Variants in MAPKAP1 observed in about 807,000 individuals in gnomAD.
MAPKAP1 encodes the protein target of rapamycin complex 2 subunit MAPKAP1.
Under a neutral mutation model 65.7 loss-of-function variants are expected in MAPKAP1, and 20 were observed. The ratio of observed to expected loss-of-function variants is 0.30; its 90% CI spans 0.21 to 0.44. The LOEUF is 0.44. MAPKAP1 is among the 20% of genes least tolerant of loss of function. The pLI, the probability that MAPKAP1 is intolerant of heterozygous loss-of-function variation, is 1.00. For synonymous variants in MAPKAP1, 222 were observed against 244.3 expected, an observed-to-expected ratio of 0.91 and a Z score of 0.85; for missense variants, 423 against 648.0, an observed-to-expected ratio of 0.65 and a Z score of 3.77.
rs538630546 is a variant in MAPKAP1 at position 125,580,129 on chromosome 9, G to A, written c.671+5426C>T. Among the ~76,000 whole-genome samples the A allele has an allele frequency of 1.9e-4, 29 of 152,254 alleles. 1 individual carries two copies. The highest frequency in any genetic ancestry group is 5.9e-4 in the Admixed American group (9 of 15,292). On this transcript the variant is annotated intron_variant, in intron 5 of 11. Coordinates refer to ENST00000265960, the MANE Select transcript of MAPKAP1 (RefSeq NM_001006617.3). Reference sequence around the variant, plus strand: ...CAACCATTGTGGAAGACAGTGTGGCGATTTCTCAAGGATCTAGAACTAGAA... The same window carrying A: ...CAACCATTGTGGAAGACAGTGTGGCAATTTCTCAAGGATCTAGAACTAGAA...
At chr9:125,656,980 G>C (rs1371349267) in intron 4 of MAPKAP1, among the ~76,000 whole-genome samples, 1 of 152,066 alleles carries the variant, frequency 6.6e-6, no homozygotes, top group Non-Finnish European at 1.5e-5. Flanking sequence ...AAAAAACAAA[G>C]TTAGCCTCCA....
intron 5 of MAPKAP1, among the ~76,000 whole-genome samples, chr9:125,570,388 A>T (rs117153152): frequency 1.3e-5 from 2 of 150,380 alleles, no homozygotes; most frequent in South Asian, 4.2e-4. Flanking sequence ...TTCTTACTGT[A>T]TAACTTGCCT....
In MAPKAP1 at chr9:125,536,585, T is replaced by TTCATTCATTCATTC. The variant is rs1554818636; in HGVS notation, c.958+6473_958+6474insGAATGAATGAATGA. On this transcript the variant is annotated intron_variant, in intron 7 of 11. Coordinates refer to ENST00000265960, the MANE Select transcript of MAPKAP1 (RefSeq NM_001006617.3). ...CACTTAAACAGTTCTATTTTCCATTTATTCATTCATTCATTCATTCAGTGT... is the reference window on the plus strand; with the variant it reads ...CACTTAAACAGTTCTATTTTCCATTTTCATTCATTCATTCATTCATTCATTCATTCATTCAGTGT... 5.0e-3 allele frequency among the ~76,000 whole-genome samples: 756 copies of TTCATTCATTCATTC among 151,730 alleles called. 2 individuals carry two copies. Among genetic ancestry groups the TTCATTCATTCATTC allele is most frequent in the Middle Eastern group, 0.014 (4 of 294 alleles).
intron 5 of MAPKAP1, among the ~76,000 whole-genome samples, chr9:125,579,535 C>T (rs889148057): frequency 6.6e-6 from 1 of 152,176 alleles, no homozygotes; most frequent in African/African-American, 2.4e-5. Context: ...TCAGGTGATC[C>T]ACCCACCTCG....
At chr9:125,683,528 G>A (rs959872803) in intron 1 of MAPKAP1, among the ~76,000 whole-genome samples, 2 of 152,128 alleles carry the variant, frequency 1.3e-5, no homozygotes, top group African/African-American at 2.4e-5. Context: ...AAATGGTCCT[G>A]GCCAACCACT....
At chr9:125,701,901 C>T (rs192075138) in intron 1 of MAPKAP1, among the ~76,000 whole-genome samples, 130 of 152,288 alleles carry the variant, frequency 8.5e-4, no homozygotes, top group Non-Finnish European at 1.5e-3. Flanking sequence ...AGCTACAATG[C>T]CCCCTCACAC....
In MAPKAP1 at chr9:125,585,746, C is replaced by T. The variant is rs755325162; in HGVS notation, c.499-19G>A. The T allele has an allele frequency of 2.7e-5, 44 of 1,611,196 alleles. 1 individual carries two copies. The highest frequency in any genetic ancestry group is 9.3e-5 in the African/African-American group (7 of 74,876). On this transcript the variant is annotated intron_variant, in intron 4 of 11. Transcript: ENST00000265960. ...CATGACCCTGTGGACAGAACAAACACGTGAGAGCAAAGCACACTGCCAGTT... is the reference window on the plus strand; with the variant it reads ...CATGACCCTGTGGACAGAACAAACATGTGAGAGCAAAGCACACTGCCAGTT...
At chr9:125,445,362 C>T (rs1852672079) in intron 10 of MAPKAP1, among the ~76,000 whole-genome samples, 1 of 152,212 alleles carries the variant, frequency 6.6e-6, no homozygotes, top group African/African-American at 2.4e-5. Flanking sequence ...CACACTCCCA[C>T]CTGCCACACC....
At chr9:125,574,852 C>G (rs1037985604) in intron 5 of MAPKAP1, among the ~76,000 whole-genome samples, 1 of 152,178 alleles carries the variant, frequency 6.6e-6, no homozygotes, top group African/African-American at 2.4e-5. Context: ...TAGATAGTTT[C>G]CACCCTCATT....
At chr9:125,469,617 T>G (rs901014981) in intron 9 of MAPKAP1, among the ~76,000 whole-genome samples, 1 of 152,180 alleles carries the variant, frequency 6.6e-6, no homozygotes, top group Non-Finnish European at 1.5e-5. Flanking sequence ...TCAGTACGTG[T>G]GGTCTTTGGT....
At chr9:125,628,950 A>C (rs1032845645) in intron 4 of MAPKAP1, among the ~76,000 whole-genome samples, 1 of 152,166 alleles carries the variant, frequency 6.6e-6, no homozygotes, top group African/African-American at 2.4e-5. Context: ...AAAAATGGAC[A>C]ACAAGCATAT....
chr9:125,680,128 CT>C (rs1018200635), intron 1 of MAPKAP1, among the ~76,000 whole-genome samples: 3 of 150,344 alleles, frequency 2.0e-5, no homozygotes, highest in African/African-American at 7.4e-5. Context: ...TGTACCCCGA[CT>C]TCACACTATT....
At chr9:125,498,433 A>G (rs1049369549) in intron 8 of MAPKAP1, among the ~76,000 whole-genome samples, 3 of 152,222 alleles carry the variant, frequency 2.0e-5, no homozygotes, top group Admixed American at 6.5e-5. Context: ...AATGAGAACA[A>G]TATCTTGTAG....
chr9:125,549,895 CT>C (rs778080742), intron 6 of MAPKAP1, among the ~76,000 whole-genome samples: 1 of 152,188 alleles, frequency 6.6e-6, no homozygotes, highest in Non-Finnish European at 1.5e-5. Context: ...CAATTATTTA[CT>C]ACTCTATATA....
chr9:125,701,844 A>T (rs1463867631), intron 1 of MAPKAP1, among the ~76,000 whole-genome samples: 1 of 152,234 alleles, frequency 6.6e-6, no homozygotes, highest in Non-Finnish European at 1.5e-5. Flanking sequence ...TAGCTTGATT[A>T]TACAATAAAA....
intron 7 of MAPKAP1, among the ~76,000 whole-genome samples, chr9:125,527,211 C>T (rs1230135176): frequency 2.6e-5 from 4 of 152,182 alleles, no homozygotes; most frequent in South Asian, 2.1e-4. Flanking sequence ...GGACTACAGG[C>T]GTGTGCCACC....
At chr9:125,629,455 TGGATGAA>T (rs1833210983) in intron 4 of MAPKAP1, among the ~76,000 whole-genome samples, 1 of 152,232 alleles carries the variant, frequency 6.6e-6, no homozygotes, top group African/African-American at 2.4e-5. Flanking sequence ...TGCTACAACA[TGGATGAA>T]CCTTGAGGAC....
chr9:125,677,460 C>T (rs1373351914), intron 1 of MAPKAP1, among the ~76,000 whole-genome samples: 1 of 152,040 alleles, frequency 6.6e-6, no homozygotes, highest in Non-Finnish European at 1.5e-5. Context: ...CTTTGGGGGG[C>T]CAAGGCAGGT....
In MAPKAP1 at chr9:125,447,301, G is replaced by C. The variant is rs1448802571; in HGVS notation, c.1346-2703C>G. ...TCTCCCTCAAGCCTCCGGTCTGTTT[G>C]TCCTTTCCAGTGAAAGCACTCACGC... On this transcript the variant is annotated intron_variant, in intron 10 of 11. Coordinates refer to ENST00000265960, the MANE Select transcript of MAPKAP1 (RefSeq NM_001006617.3). The surrounding 1 kb of genome is among the most constrained non-coding windows in gnomAD (Gnocchi z 4.5). 1 of 427,032 alleles carries C rather than the reference G, an allele frequency of 2.3e-6. No homozygotes were observed. The highest frequency in any genetic ancestry group is 7.1e-5 in the East Asian group (1 of 14,018). 26.5% of individuals were successfully genotyped at this position (427,032 alleles called of 1,614,324 possible). A position where few individuals can be genotyped will look rare whatever the true frequency, so the allele number is the denominator to read the frequency against.
Sources: allele counts gnomAD v4.1 joint callset (sites outside exome capture counted in the v4.1 genomes callset), GRCh38; gene constraint gnomAD v4.1.1; non-coding constraint Gnocchi (gnomAD v3.1); transcripts MANE v1.5; gene names NCBI Gene and HGNC (gene_info 2026-07-23, HGNC 2026-07-21).